The following DLGAP1 variants were observed in gnomAD, a reference collection of about 807,000 sequenced individuals.
DLGAP1 encodes DLG associated protein 1.
A neutral mutation model predicts 90.8 loss-of-function variants in DLGAP1; 11 were observed. That is an observed-to-expected ratio of 0.12 (90% CI 0.08 to 0.20). The LOEUF (loss-of-function observed/expected upper bound fraction) is 0.20. Among genes scored for constraint, DLGAP1 ranks in the 10% least tolerant of loss-of-function variants. DLGAP1 has a pLI of 1.00. For synonymous variants in DLGAP1, 558 were observed against 540.7 expected, an observed-to-expected ratio of 1.03 and a Z score of -0.44; for missense variants, 1,050 against 1,333.8, an observed-to-expected ratio of 0.79 and a Z score of 3.31.
chr18:3,792,243 G>A (rs547101921), intron 5 of DLGAP1, among the ~76,000 whole-genome samples: 71 of 152,318 alleles, frequency 4.7e-4, no homozygotes, highest in African/African-American at 1.5e-3. Flanking sequence ...CACTTTGGGA[G>A]GCTGAGGTAG....
At chr18:4,118,278 C>T (rs973491562) in intron 2 of DLGAP1, among the ~76,000 whole-genome samples, 3 of 152,152 alleles carry the variant, frequency 2.0e-5, no homozygotes, top group African/African-American at 4.8e-5. Context: ...TGGCCTGCCT[C>T]TTCCTGAGCA....
chr18:4,306,445 GT>G (rs2080262462), intron 1 of DLGAP1, among the ~76,000 whole-genome samples: 1 of 127,322 alleles, frequency 7.9e-6, no homozygotes, highest in South Asian at 2.3e-4. Flanking sequence ...GTGTGTGTGT[GT>G]GTGTGTGTGT....
At chr18:4,035,849 AGTTCT>A (rs1262096862) in intron 2 of DLGAP1, among the ~76,000 whole-genome samples, 1 of 152,176 alleles carries the variant, frequency 6.6e-6, no homozygotes, top group Non-Finnish European at 1.5e-5. Context: ...TACAGCACTC[AGTTCT>A]GTTCTATCTT....
chr18:3,698,371 G>A (rs1172699372), intron 7 of DLGAP1, among the ~76,000 whole-genome samples: 2 of 152,112 alleles, frequency 1.3e-5, no homozygotes, highest in African/African-American at 2.4e-5. Flanking sequence ...CTCTTGTAAG[G>A]CAGGCCTGGT....
Position 4,024,816 on chromosome 18 carries a change from T to C in DLGAP1, c.-158-19615A>G, listed in dbSNP as rs141154577. 8.0e-3 allele frequency among the ~76,000 whole-genome samples: 1,217 copies of C among 152,292 alleles called. 14 individuals are homozygous for C. Among genetic ancestry groups the C allele is most frequent in the Non-Finnish European group, 0.012 (802 of 68,026 alleles). On this transcript the variant is annotated intron_variant, in intron 2 of 12. Transcript: ENST00000315677. Reference sequence around the variant, plus strand: ...GGAGTGACTTCTAAGGAGCATGGACTTTACCTGGGAAGGTGATGGGCTTGC... The same window carrying C: ...GGAGTGACTTCTAAGGAGCATGGACCTTACCTGGGAAGGTGATGGGCTTGC...
Position 3,499,326 on chromosome 18 carries a change from G to A in DLGAP1, c.2793C>T (p.Arg931=). Residue 931 remains arginine (R), a synonymous_variant, in exon 13 of 13, where the codon CGC becomes CGT. Transcript: ENST00000315677. This position sits in a 1 kb window ranked among gnomAD's most constrained non-coding sequence, Gnocchi z 6.4. ...CCTGGCGCTGCGAGCTCTCCAGCGA[G>A]CGCTCCCGGATCAGCGGCGCGGGGC... The part of the protein sequence containing the change: ...AKGPAPLIRE[R]SLESSQRQEA... The A allele has an allele frequency of 6.4e-7, 1 of 1,566,824 alleles. No homozygotes were observed. Among genetic ancestry groups the A allele is most frequent in the East Asian group, 2.4e-5 (1 of 42,058 alleles).
intron 2 of DLGAP1, among the ~76,000 whole-genome samples, chr18:4,092,428 C>T (rs2075785357): frequency 6.6e-6 from 1 of 152,166 alleles, no homozygotes; most frequent in Non-Finnish European, 1.5e-5. Flanking sequence ...CAGTGTCAAC[C>T]AAATTCTGCC....
At chr18:4,300,254 T>A (rs2080090568) in intron 1 of DLGAP1, among the ~76,000 whole-genome samples, 1 of 152,222 alleles carries the variant, frequency 6.6e-6, no homozygotes, top group Non-Finnish European at 1.5e-5. Context: ...ACATATTTTG[T>A]CTTATTTTGA....
chr18:3,883,693 T>C (rs1259931119), intron 3 of DLGAP1, among the ~76,000 whole-genome samples: 3 of 152,220 alleles, frequency 2.0e-5, no homozygotes, highest in Non-Finnish European at 4.4e-5. Flanking sequence ...AATGAAAACA[T>C]GACTGTGTGG....
At chr18:3,575,636 C>G (rs368156492) in intron 8 of DLGAP1, among the ~76,000 whole-genome samples, 8 of 152,198 alleles carry the variant, frequency 5.3e-5, no homozygotes, top group Admixed American at 2.6e-4. Flanking sequence ...CTGTACTGTA[C>G]GAACTCTTTA....
intron 7 of DLGAP1, among the ~76,000 whole-genome samples, chr18:3,690,824 C>A (rs954061627): frequency 2.6e-5 from 4 of 152,212 alleles, no homozygotes; most frequent in Non-Finnish European, 5.9e-5. Context: ...TTAGGCTCTA[C>A]ATCTCATGCT....
At chr18:4,058,031 G>C (rs78821025) in intron 2 of DLGAP1, among the ~76,000 whole-genome samples, 4,583 of 152,252 alleles carry the variant, frequency 0.03, 232 homozygotes, top group African/African-American at 0.1. Context: ...GTAGACCTGA[G>C]GCACTTATGG....
chr18:4,078,914 CA>C (rs1385077464), intron 2 of DLGAP1, among the ~76,000 whole-genome samples: 1 of 152,112 alleles, frequency 6.6e-6, no homozygotes, highest in Non-Finnish European at 1.5e-5. Context: ...GACTAGTTAG[CA>C]TTTTTTTTTC....
intron 1 of DLGAP1, among the ~76,000 whole-genome samples, chr18:4,341,326 A>C (rs2081183487): frequency 6.6e-6 from 1 of 152,182 alleles, no homozygotes; most frequent in Admixed American, 6.5e-5. Context: ...TTATGTACTA[A>C]GAAATTTTTG....
intron 4 of DLGAP1, among the ~76,000 whole-genome samples, chr18:3,844,835 G>C (rs1398010680): frequency 6.6e-6 from 1 of 152,104 alleles, no homozygotes; most frequent in Admixed American, 6.6e-5. Context: ...TTGCAGCTTA[G>C]AGCAAATTCA....
At chr18:3,818,222 G>A (rs910162991) in intron 4 of DLGAP1, among the ~76,000 whole-genome samples, 2 of 152,076 alleles carry the variant, frequency 1.3e-5, no homozygotes, top group African/African-American at 2.4e-5. Flanking sequence ...TATTTCAGTG[G>A]TAGCCCGTCT....
At chr18:3,797,595 C>T (rs574664954) in intron 5 of DLGAP1, among the ~76,000 whole-genome samples, 1 of 152,232 alleles carries the variant, frequency 6.6e-6, no homozygotes, top group South Asian at 2.1e-4. Context: ...AGAAAGAAAG[C>T]TTTGTACTGT....
chr18:4,051,848 A>G (rs565103000), intron 2 of DLGAP1, among the ~76,000 whole-genome samples: 1 of 152,334 alleles, frequency 6.6e-6, no homozygotes, highest in Non-Finnish European at 1.5e-5. Flanking sequence ...CATTGGGTAA[A>G]TACACCCATT....
At chr18:4,064,443 C>G (rs2075343123) in intron 2 of DLGAP1, among the ~76,000 whole-genome samples, 1 of 139,730 alleles carries the variant, frequency 7.2e-6, no homozygotes, top group African/African-American at 2.8e-5. Flanking sequence ...CAATAGACTG[C>G]TAGCGAGACC....
Sources: allele counts gnomAD v4.1 joint callset (sites outside exome capture counted in the v4.1 genomes callset), GRCh38; gene constraint gnomAD v4.1.1; non-coding constraint Gnocchi (gnomAD v3.1); transcripts MANE v1.5; gene names NCBI Gene and HGNC (gene_info 2026-07-23, HGNC 2026-07-21).